LINGO2: variants seen among roughly 807,000 people sequenced by gnomAD.
LINGO2 encodes leucine-rich repeat and immunoglobulin-like domain-containing nogo receptor-interacting protein 2.
Under a neutral mutation model 30.6 loss-of-function variants are expected in LINGO2, and 14 were observed. The ratio of observed to expected loss-of-function variants is 0.46; its 90% CI spans 0.30 to 0.72. LINGO2 has a LOEUF of 0.72. LINGO2 is among the 30% of genes least tolerant of loss of function. The pLI, the probability that LINGO2 is intolerant of heterozygous loss-of-function variation, is 0.07. For missense variants in LINGO2, 729 were observed against 751.7 expected, an observed-to-expected ratio of 0.97 and a Z score of 0.35; for synonymous variants, 317 against 288.5, an observed-to-expected ratio of 1.10 and a Z score of -1.00.
intron 5 of LINGO2, among the ~76,000 whole-genome samples, chr9:28,003,642 T>C (rs904993763): frequency 2.0e-5 from 3 of 152,278 alleles, no homozygotes; most frequent in Middle Eastern, 3.4e-3. Flanking sequence ...TTCGTATTTT[T>C]AGTAGAAACG....
At chr9:28,784,942 G>A in the LINGO2 span, among the ~76,000 whole-genome samples, 9 of 140,378 alleles carry the variant, frequency 6.4e-5, no homozygotes, top group African/African-American at 2.3e-4. Flanking sequence ...GCGAGACTCT[G>A]TCTCAAAAAA....
the LINGO2 span, among the ~76,000 whole-genome samples, chr9:28,882,561 A>G: frequency 3.9e-5 from 6 of 152,194 alleles, no homozygotes; most frequent in African/African-American, 1.4e-4. Flanking sequence ...CAAATATTCA[A>G]TATCAGTACA....
At chr9:28,647,253 C>T (rs996485125) in intron 1 of LINGO2, among the ~76,000 whole-genome samples, 4 of 151,986 alleles carry the variant, frequency 2.6e-5, no homozygotes, top group African/African-American at 4.8e-5. Flanking sequence ...AGGTATAGGT[C>T]CCAAGCACCT....
chr9:28,285,432 G>A (rs552257343), intron 4 of LINGO2, among the ~76,000 whole-genome samples: 2 of 112,182 alleles, frequency 1.8e-5, no homozygotes, highest in Non-Finnish European at 1.7e-5. Flanking sequence ...TTGAGACTGA[G>A]TCTCACTCTG....
the LINGO2 span, among the ~76,000 whole-genome samples, chr9:28,884,871 CAT>C: frequency 4.5e-5 from 6 of 134,690 alleles, no homozygotes; most frequent in South Asian, 1.1e-3. Context: ...TATATACACA[CAT>C]ATACACTATA....
the LINGO2 span, among the ~76,000 whole-genome samples, chr9:29,179,625 G>A: frequency 6.6e-6 from 1 of 152,210 alleles, no homozygotes; most frequent in East Asian, 1.9e-4. Flanking sequence ...GGCTGGTCTT[G>A]AACTCCTGAC....
Position 27,949,374 on chromosome 9 carries a change from C to CTGCA in LINGO2, c.1294_1297dup (p.Ser433MetfsTer34). The CTGCA allele has an allele frequency of 6.2e-7, 1 of 1,614,132 alleles. No individual in the cohort carries two copies. Among genetic ancestry groups the CTGCA allele is most frequent in the Non-Finnish European group, 8.5e-7 (1 of 1,179,998 alleles). On this transcript the variant is annotated frameshift_variant, in exon 6 of 6. Transcript: ENST00000379992. LOFTEE classifies it high-confidence loss of function. Reference sequence around the variant, plus strand: ...CACAGGCTGCGGGTCTCCATCTGCACTGCATTCTAGCTGGACTGTCTGCCC... The same window carrying CTGCA: ...CACAGGCTGCGGGTCTCCATCTGCACTGCATGCATTCTAGCTGGACTGTCTGCCC...
intron 1 of LINGO2, among the ~76,000 whole-genome samples, chr9:28,565,295 C>G (rs1019175247): frequency 2.0e-5 from 3 of 151,434 alleles, no homozygotes; most frequent in Non-Finnish European, 4.4e-5. Flanking sequence ...TCATGCCATT[C>G]TCCTGCCTCA....
At chr9:28,612,979 T>C (rs1825983100) in intron 1 of LINGO2, among the ~76,000 whole-genome samples, 1 of 152,122 alleles carries the variant, frequency 6.6e-6, no homozygotes, top group Admixed American at 6.5e-5. Context: ...CCTATGCTGT[T>C]CTCATGATAG....
At chr9:28,453,527 A>C (rs1231770532) in intron 2 of LINGO2, among the ~76,000 whole-genome samples, 1 of 151,988 alleles carries the variant, frequency 6.6e-6, no homozygotes, top group Non-Finnish European at 1.5e-5. Context: ...CTCAAAGACA[A>C]AGAAATTTCA....
At chr9:28,364,542 T>C (rs1820584870) in intron 3 of LINGO2, among the ~76,000 whole-genome samples, 5 of 152,206 alleles carry the variant, frequency 3.3e-5, no homozygotes, top group Admixed American at 3.3e-4. Flanking sequence ...CTCTCTAATC[T>C]TCCTTTTTAT....
chr9:28,534,729 A>C (rs2135439440), intron 1 of LINGO2, among the ~76,000 whole-genome samples: 1 of 152,294 alleles, frequency 6.6e-6, no homozygotes, highest in Admixed American at 6.5e-5. Flanking sequence ...AAATATAGAA[A>C]CTTAGAACAA....
intron 1 of LINGO2, among the ~76,000 whole-genome samples, chr9:28,526,426 T>C (rs564922425): frequency 1.4e-4 from 22 of 152,330 alleles, no homozygotes; most frequent in African/African-American, 5.1e-4. Context: ...CTTTCTGTTG[T>C]AGAATCTTAG....
chr9:29,097,060 T>C, the LINGO2 span, among the ~76,000 whole-genome samples: 2 of 139,376 alleles, frequency 1.4e-5, no homozygotes, highest in African/African-American at 5.4e-5. Context: ...AGCAGCATTC[T>C]AAGGTATCTA....
the LINGO2 span, among the ~76,000 whole-genome samples, chr9:28,924,324 G>T: frequency 6.6e-6 from 1 of 152,074 alleles, no homozygotes; most frequent in Non-Finnish European, 1.5e-5. Flanking sequence ...AGGTTCAAGT[G>T]ACTCTCCCAC....
chr9:28,255,927 G>A (rs944513650), intron 4 of LINGO2, among the ~76,000 whole-genome samples: 1 of 152,030 alleles, frequency 6.6e-6, no homozygotes, highest in African/African-American at 2.4e-5. Context: ...AAAAGACAAA[G>A]CAATAGCTTT....
intron 4 of LINGO2, among the ~76,000 whole-genome samples, chr9:28,189,815 C>T (rs1369929479): frequency 1.1e-4 from 16 of 152,036 alleles, no homozygotes; most frequent in Admixed American, 9.8e-4. Flanking sequence ...TGATCAAGGG[C>T]TTAAGGCAGC....
chr9:28,608,292 T>C (rs1587952505), intron 1 of LINGO2, among the ~76,000 whole-genome samples: 2 of 152,114 alleles, frequency 1.3e-5, no homozygotes, highest in East Asian at 3.9e-4. Flanking sequence ...TTTATAATAA[T>C]GAATCTTTTA....
chr9:29,055,596 A>G, the LINGO2 span, among the ~76,000 whole-genome samples: 1 of 152,100 alleles, frequency 6.6e-6, no homozygotes, highest in Admixed American at 6.6e-5. Flanking sequence ...TTTTGGGGGA[A>G]TATGTGGTGT....
Sources: gnomAD v4.1 joint callset for allele counts (sites outside exome capture counted in the v4.1 genomes callset) on GRCh38, gnomAD v4.1.1 for gene constraint, MANE v1.5 for transcripts, NCBI Gene and HGNC (gene_info 2026-07-23, HGNC 2026-07-21) for gene names.